The following SLC17A5 variants were observed in gnomAD, a reference collection of about 807,000 sequenced individuals.
SLC17A5 encodes the protein solute carrier family 17 member 5.
A neutral mutation model predicts 59.4 loss-of-function variants in SLC17A5; 47 were observed. That is an observed-to-expected ratio of 0.79 (90% confidence interval 0.63 to 1.01). SLC17A5 has a LOEUF of 1.01. SLC17A5 is among the 50% of genes least tolerant of loss of function. The pLI is 0.00. For missense variants in SLC17A5, 522 were observed against 595.5 expected (o/e 0.88, Z 1.28); for synonymous variants, 202 against 210.7 (o/e 0.96, Z 0.36).
chr6:73,594,824 C>A lies in SLC17A5; in HGVS notation c.*253G>T, dbSNP rs1766721918. ...CTAAAAAATCAACAGAACTGTCCTA[C>A]TTCATGTTGCCCGACTAGCAGGCAG... On this transcript the variant is annotated 3_prime_UTR_variant, in exon 11 of 11. Transcript: ENST00000355773. The A allele has an allele frequency of 4.1e-6, 2 of 491,894 alleles. No homozygotes were observed. The highest frequency in any genetic ancestry group is 6.6e-5 in the Admixed American group (2 of 30,474). The allele number at this position is 491,894 out of a possible 1,614,324, so 30.5% of individuals were successfully genotyped here.
chr6:73,596,766 G>A (rs925747314), intron 10 of SLC17A5, among the ~76,000 whole-genome samples: 2 of 152,068 alleles, frequency 1.3e-5, no homozygotes, highest in African/African-American at 4.8e-5. Context: ...TGAGGCAGGA[G>A]AATGGCGTGA....
chr6:73,651,483 A>AAC (rs1368983159), intron 1 of SLC17A5, among the ~76,000 whole-genome samples: 12,508 of 132,764 alleles, frequency 0.094, 1,175 homozygotes, highest in Non-Finnish European at 0.16. Context: ...AAAAAAAAAA[A>AAC]ATCAGGACAT....
intron 8 of SLC17A5, among the ~76,000 whole-genome samples, chr6:73,612,923 G>A (rs980108780): frequency 5.9e-5 from 9 of 152,022 alleles, no homozygotes; most frequent in Non-Finnish European, 1.0e-4. Context: ...GTGCTGTGGC[G>A]TGACCTGTAG....
chr6:73,602,319 T>C (rs1050083494), intron 9 of SLC17A5, among the ~76,000 whole-genome samples: 2 of 147,316 alleles, frequency 1.4e-5, no homozygotes, highest in African/African-American at 5.1e-5. Flanking sequence ...CGCAGGGTCC[T>C]CTGCCTAGGA....
chr6:73,622,490 C>T (rs1414028961), intron 6 of SLC17A5, among the ~76,000 whole-genome samples: 15 of 152,062 alleles, frequency 9.9e-5, no homozygotes, highest in East Asian at 1.9e-4. Flanking sequence ...TTAGTAGAAA[C>T]GGGGTTTCAC....
chr6:73,616,228 T>G (rs566216112), intron 7 of SLC17A5, among the ~76,000 whole-genome samples: 27 of 152,222 alleles, frequency 1.8e-4, no homozygotes, highest in African/African-American at 6.5e-4. Flanking sequence ...AATAGAACTT[T>G]GCCAGCCTTG....
intron 2 of SLC17A5, among the ~76,000 whole-genome samples, chr6:73,643,057 G>C (rs1430853440): frequency 6.6e-6 from 1 of 152,098 alleles, no homozygotes; most frequent in African/African-American, 2.4e-5. Context: ...TTTCCTGCTT[G>C]AATGCTCTGC....
Position 73,615,312 on chromosome 6 carries a change from TACCTA to T in SLC17A5, c.1109_1111+2del, listed in dbSNP as rs1767805645. ...CAAAACAAAACCTGATTGCTTCACTTACCTATAAGGCTAAAAATTCTGCGAACACA... is the reference window on the plus strand; with the variant it reads ...CAAAACAAAACCTGATTGCTTCACTTTAAGGCTAAAAATTCTGCGAACACA... On this transcript the variant is annotated splice_donor_variant and coding_sequence_variant, in exon 8 of 11. Coordinates refer to ENST00000355773, the MANE Select transcript of SLC17A5 (RefSeq NM_012434.5). LOFTEE classifies it high-confidence loss of function. The T allele has an allele frequency of 1.2e-6, 2 of 1,613,910 alleles. No homozygotes were observed. The highest frequency in any genetic ancestry group is 2.7e-5 in the African/African-American group (2 of 74,952).
At chr6:73,629,495 G>A (rs115694151) in intron 6 of SLC17A5, among the ~76,000 whole-genome samples, 4,533 of 152,128 alleles carry the variant, frequency 0.03, 228 homozygotes, top group African/African-American at 0.1. Context: ...AGAAGAAGCC[G>A]GGTGTGGTGG....
Position 73,600,448 on chromosome 6 carries a change from A to G in SLC17A5, c.1260-7T>C. On this transcript the variant is annotated splice_region_variant and splice_polypyrimidine_tract_variant and intron_variant, in intron 9 of 10. Coordinates refer to ENST00000355773, the MANE Select transcript of SLC17A5 (RefSeq NM_012434.5). Reference sequence around the variant, plus strand: ...CAGGAGGATACCAGCATACCTGTAGAAACATTTTCATAGACGTTTATTATT... The same window carrying G: ...CAGGAGGATACCAGCATACCTGTAGGAACATTTTCATAGACGTTTATTATT... 1 of 1,596,190 alleles carries G rather than the reference A, an allele frequency of 6.3e-7. No homozygotes were observed.
intron 10 of SLC17A5, among the ~76,000 whole-genome samples, chr6:73,597,467 A>AAAAAC (rs1161221578): frequency 9.2e-5 from 14 of 151,566 alleles, no homozygotes; most frequent in South Asian, 2.1e-4. Flanking sequence ...ACTCCGTCTC[A>AAAAAC]AAAACAAAAC....
chr6:73,650,704 A>G (rs192558430), intron 1 of SLC17A5, among the ~76,000 whole-genome samples: 2,206 of 151,554 alleles, frequency 0.015, 73 homozygotes, highest in African/African-American at 0.05. Context: ...AAAAAAAAAA[A>G]GAAAATAAAG....
At chr6:73,601,853 G>A (rs1277796300) in intron 9 of SLC17A5, among the ~76,000 whole-genome samples, 1 of 151,232 alleles carries the variant, frequency 6.6e-6, no homozygotes, top group East Asian at 2.0e-4. Flanking sequence ...CGCCCCGTCC[G>A]GGAGGTGAGG....
At chr6:73,623,508 T>C (rs1768250208) in intron 6 of SLC17A5, among the ~76,000 whole-genome samples, 1 of 151,406 alleles carries the variant, frequency 6.6e-6, no homozygotes, top group African/African-American at 2.4e-5. Flanking sequence ...CTAATTTTTG[T>C]ATTTTAGTAA....
intron 7 of SLC17A5, among the ~76,000 whole-genome samples, chr6:73,619,817 T>C (rs1768053627): frequency 6.6e-6 from 1 of 152,016 alleles, no homozygotes; most frequent in African/African-American, 2.4e-5. Context: ...TTCTTCCATA[T>C]ATAGTTCTTC....
In SLC17A5 at chr6:73,627,065, C is replaced by T. The variant is rs899172606; in HGVS notation, c.820-5103G>A. On this transcript the variant is annotated intron_variant, in intron 6 of 10. Transcript: ENST00000355773. ...GGGATTACAGGCGTGAGCCACCACG[C>T]CTGGCCAGAACTAATTTTTTTTTTT... is the stretch of plus-strand genomic sequence containing the variant. Among the ~76,000 whole-genome samples the T allele has an allele frequency of 1.9e-4, 28 of 150,058 alleles. No homozygotes were observed. In the East Asian group the frequency reaches 5.6e-3, roughly 30 times the overall value.
intron 9 of SLC17A5, among the ~76,000 whole-genome samples, chr6:73,607,775 A>T (rs1333787632): frequency 1.5e-5 from 2 of 130,462 alleles, no homozygotes; most frequent in African/African-American, 2.9e-5. Context: ...GTTCCTTATA[A>T]TTTTTTTTTT....
At chr6:73,642,648 C>A (rs1769338425) in intron 2 of SLC17A5, among the ~76,000 whole-genome samples, 1 of 152,154 alleles carries the variant, frequency 6.6e-6, no homozygotes, top group Non-Finnish European at 1.5e-5. Flanking sequence ...AGTAACAGCA[C>A]ACAGCAAGGT....
Position 73,595,092 on chromosome 6 carries a change from A to T in SLC17A5, c.1473T>A (p.His491Gln). The change falls in exon 11 of 11, where the codon CAT becomes CAA. Residue 491 changes from histidine (H) to glutamine (Q), a missense_variant. Physicochemically the swap from His to Gln is conservative, Grantham distance 24. Coordinates refer to ENST00000355773, the MANE Select transcript of SLC17A5 (RefSeq NM_012434.5). The stretch of plus-strand genomic sequence containing the variant: ...ATTGGTTCCTTCAGTGTCTGTGTCC[A>T]TGGTGATCATTGAGAGCCCAGTTTT... ...EVQNWALNDH[H>Q]GHRH The T allele has an allele frequency of 6.2e-7, 1 of 1,614,168 alleles. No homozygotes were observed. The highest frequency in any genetic ancestry group is 2.2e-5 in the East Asian group (1 of 44,864).
Sources: gnomAD v4.1 joint callset for allele counts (sites outside exome capture counted in the v4.1 genomes callset) on GRCh38, gnomAD v4.1.1 for gene constraint, MANE v1.5 for transcripts, NCBI Gene and HGNC (gene_info 2026-07-23, HGNC 2026-07-21) for gene names.